The following LRRIQ1 variants were observed in gnomAD, a reference collection of about 807,000 sequenced individuals.
LRRIQ1 encodes leucine-rich repeat- and IQ domain-containing protein 1.
A neutral mutation model predicts 211.9 loss-of-function variants in LRRIQ1; 210 were observed. The observed-to-expected ratio is 0.99, with a 90% CI of 0.89 to 1.11. The LOEUF is 1.11. LRRIQ1 is among the 50% of genes most tolerant of loss of function. The probability of loss-of-function intolerance (pLI) is 0.00; values close to 1 mark genes in which losing one functional copy is unlikely to be tolerated. For missense variants in LRRIQ1, 2,136 were observed against 1,939.5 expected, an observed-to-expected ratio of 1.10 and a Z score of -1.90; for synonymous variants, 699 against 650.1, an observed-to-expected ratio of 1.08 and a Z score of -1.14.
chr12:85,176,391 A>G (rs1028452222), intron 24 of LRRIQ1, among the ~76,000 whole-genome samples: 4 of 151,850 alleles, frequency 2.6e-5, no homozygotes, highest in Non-Finnish European at 5.9e-5. Context: ...GCGCATATAC[A>G]CCATGGAATA....
chr12:85,087,412 A>G (rs957958405), intron 11 of LRRIQ1, among the ~76,000 whole-genome samples: 1 of 152,198 alleles, frequency 6.6e-6, no homozygotes, highest in African/African-American at 2.4e-5. Flanking sequence ...ATATGTGTGC[A>G]TGTGTCTTTA....
At chr12:85,129,824 C>T (rs979280956) in intron 18 of LRRIQ1, among the ~76,000 whole-genome samples, 1 of 152,186 alleles carries the variant, frequency 6.6e-6, no homozygotes, top group African/African-American at 2.4e-5. Context: ...AGTTTACTCT[C>T]TGTCACAATT....
chr12:85,153,635 G>A, intron 21 of LRRIQ1, 28 bp from the exon 22 acceptor site: 1 of 1,432,340 alleles, frequency 7.0e-7, no homozygotes, highest in Non-Finnish European at 9.6e-7. Context: ...TGTTGATTCA[G>A]TTAAAAGTGG....
At chr12:85,043,189 A>G (rs1416622869) in intron 3 of LRRIQ1, among the ~76,000 whole-genome samples, 2 of 152,040 alleles carry the variant, frequency 1.3e-5, no homozygotes, top group Admixed American at 6.6e-5. Context: ...AAAATAATTT[A>G]TTACTATATC....
intron 15 of LRRIQ1, among the ~76,000 whole-genome samples, chr12:85,112,167 T>C (rs1207867043): frequency 1.3e-5 from 2 of 152,008 alleles, no homozygotes; most frequent in East Asian, 1.9e-4. Context: ...TTCATTTTAT[T>C]ATATCCTTGG....
chr12:85,254,278 G>T (rs1419607473), intron 1 of LRRIQ1, among the ~76,000 whole-genome samples: 1 of 152,080 alleles, frequency 6.6e-6, no homozygotes, highest in Non-Finnish European at 1.5e-5. Context: ...TGCAGTCTCA[G>T]GTATTGCTTT....
chr12:85,195,604 A>T (rs529812148), intron 24 of LRRIQ1, among the ~76,000 whole-genome samples: 8,680 of 151,740 alleles, frequency 0.057, 825 homozygotes, highest in African/African-American at 0.2. Context: ...ATGCAGAAAA[A>T]GCCTTTGACA....
At chr12:85,241,147 A>G (rs926762607) in intron 26 of LRRIQ1, among the ~76,000 whole-genome samples, 69 of 152,122 alleles carry the variant, frequency 4.5e-4, no homozygotes, top group African/African-American at 1.6e-3. Flanking sequence ...GTTATGTGAA[A>G]TGTTGTCATT....
chr12:85,098,043 G>T (rs191863884), intron 11 of LRRIQ1, among the ~76,000 whole-genome samples: 2 of 152,070 alleles, frequency 1.3e-5, no homozygotes, highest in African/African-American at 2.4e-5. Context: ...GAAAAAAGTC[G>T]TTATATCTCT....
rs796456653 is a variant in LRRIQ1 at position 85,196,764 on chromosome 12, T to C, written c.4823-32753T>C. On this transcript the variant is annotated intron_variant, in intron 24 of 26. Coordinates refer to ENST00000393217, the MANE Select transcript of LRRIQ1 (RefSeq NM_001079910.2). ...GGCATTACCATTCAGGACATAGGCATGGGCAAGGACTTCATGTCCAAAACA... is the reference window on the plus strand; with the variant it reads ...GGCATTACCATTCAGGACATAGGCACGGGCAAGGACTTCATGTCCAAAACA... Among the ~76,000 whole-genome samples the C allele has an allele frequency of 5.3e-5, 8 of 151,402 alleles. No individual in the cohort carries two copies. The East Asian group carries it at 1.5e-3, about 29-fold the overall frequency.
chr12:85,165,765 G>A lies in LRRIQ1; in HGVS notation c.4822+5051G>A, dbSNP rs537509330. On this transcript the variant is annotated intron_variant, in intron 24 of 26. Transcript: ENST00000393217. ...ATTACAGGCATGAGCCACCGCGCCC[G>A]GCTGATTTGATGCATTTTAATGGCT... Among the ~76,000 whole-genome samples, 59 of 152,076 alleles carry A rather than the reference G, an allele frequency of 3.9e-4. 1 individual carries two copies. In the Middle Eastern group the frequency reaches 0.014, roughly 35 times the overall value.
intron 24 of LRRIQ1, among the ~76,000 whole-genome samples, chr12:85,217,742 A>AT (rs1436519816): frequency 7.3e-6 from 1 of 136,884 alleles, no homozygotes; most frequent in African/African-American, 3.3e-5. Flanking sequence ...ATATATATGT[A>AT]ATGTGTGTGT....
chr12:85,072,334 T>C (rs189130828), intron 10 of LRRIQ1, among the ~76,000 whole-genome samples: 8 of 152,004 alleles, frequency 5.3e-5, no homozygotes, highest in Non-Finnish European at 1.0e-4. Flanking sequence ...GTCTTGCTAA[T>C]CTAATATGTG....
intron 18 of LRRIQ1, among the ~76,000 whole-genome samples, chr12:85,132,183 G>T (rs991521508): frequency 1.3e-5 from 2 of 151,930 alleles, no homozygotes; most frequent in African/African-American, 4.8e-5. Flanking sequence ...GGTTGCCCTT[G>T]CCAGCTTCTT....
chr12:85,233,664 A>C (rs980829757), intron 26 of LRRIQ1, among the ~76,000 whole-genome samples: 1 of 152,194 alleles, frequency 6.6e-6, no homozygotes, highest in African/African-American at 2.4e-5. Flanking sequence ...AGCAAATATT[A>C]AGGTAGTCGC....
intron 15 of LRRIQ1, among the ~76,000 whole-genome samples, chr12:85,120,167 T>C (rs1386329009): frequency 1.3e-5 from 2 of 152,216 alleles, no homozygotes; most frequent in Non-Finnish European, 2.9e-5. Context: ...TTTAACATTC[T>C]ATATTTTACA....
At chr12:85,234,067 C>T (rs1895070332) in intron 26 of LRRIQ1, among the ~76,000 whole-genome samples, 1 of 145,950 alleles carries the variant, frequency 6.9e-6, no homozygotes, top group Non-Finnish European at 1.5e-5. Flanking sequence ...CCCATCTCTA[C>T]CCCCAAAAAT....
intron 1 of LRRIQ1, among the ~76,000 whole-genome samples, chr12:85,262,221 A>G (rs994632861): frequency 6.6e-6 from 1 of 152,060 alleles, no homozygotes; most frequent in African/African-American, 2.4e-5. Context: ...ATAAATAATA[A>G]TTTCTTCCAT....
intron 1 of LRRIQ1, among the ~76,000 whole-genome samples, chr12:85,251,735 A>G (rs1376411178): frequency 6.6e-6 from 1 of 151,648 alleles, no homozygotes; most frequent in Non-Finnish European, 1.5e-5. Flanking sequence ...GGTGAAAATT[A>G]GAAAGACATA....
Sources: gnomAD v4.1 joint callset for allele counts (sites outside exome capture counted in the v4.1 genomes callset) on GRCh38, gnomAD v4.1.1 for gene constraint, MANE v1.5 for transcripts, NCBI Gene and HGNC (gene_info 2026-07-23, HGNC 2026-07-21) for gene names.